LPAR4: variants seen among roughly 807,000 people sequenced by gnomAD.
LPAR4 encodes lysophosphatidic acid receptor 4.
Under a neutral mutation model 9.2 loss-of-function variants are expected in LPAR4, and 14 were observed. The observed-to-expected ratio is 1.51, with a 90% CI of 1.00 to 2.37. The LOEUF is 2.37. Ranked by LOEUF, LPAR4 falls within the 30% of genes most tolerant of loss-of-function variation. The pLI is 0.00. For synonymous variants in LPAR4, 131 were observed against 97.9 expected, an observed-to-expected ratio of 1.34 and a Z score of -1.99; for missense variants, 251 against 272.1, an observed-to-expected ratio of 0.92 and a Z score of 0.55.
intron 4 of LPAR4, among the ~76,000 whole-genome samples, chrX:78,753,165 T>G (rs1246854669): frequency 8.9e-6 from 1 of 112,044 alleles, no homozygotes; most frequent in Non-Finnish European, 1.9e-5. Flanking sequence ...TAATGCTCCT[T>G]GCAGTGGAAA....
At chrX:78,753,390 T>G (rs1208475694) in intron 4 of LPAR4, among the ~76,000 whole-genome samples, 1 of 111,602 alleles carries the variant, frequency 9.0e-6, no homozygotes, top group Non-Finnish European at 1.9e-5. Context: ...GCCAAATGTC[T>G]TTCTGGTTTT....
Position 78,758,698 on chromosome X carries a change from A to G in LPAR4, c.*2716A>G, listed in dbSNP as rs1485350629. Among the ~76,000 whole-genome samples, 1 of 111,988 alleles carries G rather than the reference A, an allele frequency of 8.9e-6. No homozygotes were observed. The highest frequency in any genetic ancestry group is 3.2e-5 in the African/African-American group (1 of 30,894). ...ATTTTAAATGTTTATTAAATGTAAT[A>G]AAATATATTTGAATTATTTAGCAGT... is the stretch of plus-strand genomic sequence containing the variant. On this transcript the variant is annotated 3_prime_UTR_variant, in exon 5 of 5. Coordinates refer to ENST00000614823, the MANE Select transcript of LPAR4 (RefSeq NM_001278000.3).
At chrX:78,751,096 T>C (rs1402092956) in intron 3 of LPAR4, 114 bp from the exon 4 acceptor site, 1 of 112,068 alleles carries the variant, frequency 8.9e-6, no homozygotes, top group Non-Finnish European at 1.9e-5. Context: ...TATCATATAA[T>C]ACTTTTTCTG....
In LPAR4 at chrX:78,755,293, T is replaced by A. The variant is rs1270523834; in HGVS notation, c.424T>A (p.Tyr142Asn). The change falls in exon 5 of 5, where the codon TAT becomes AAT. Residue 142 changes from tyrosine to asparagine, a missense_variant. Coordinates refer to ENST00000614823, the MANE Select transcript of LPAR4 (RefSeq NM_001278000.3). The stretch of plus-strand genomic sequence containing the variant: ...TGTGGATCGTTTCCTGGCCATTGTC[T>A]ATCCTTTTCGATCTCGTACTATTAG... ...ISVDRFLAIV[Y>N]PFRSRTIRTR... The A allele has an allele frequency of 8.3e-7, 1 of 1,206,859 alleles. No individual in the cohort carries two copies. The highest frequency in any genetic ancestry group is 2.2e-5 in the Admixed American group (1 of 45,502).
In LPAR4 at chrX:78,755,847, C is replaced by T; in HGVS notation, c.978C>T (p.Ala326=). The change falls in exon 5 of 5, where the codon GCC becomes GCT. Residue 326 remains alanine, a synonymous_variant. Transcript: ENST00000614823. The stretch of plus-strand genomic sequence containing the variant: ...TTCAGAAGTCCTTCTACATCAATGC[C>T]CACATCAGAATGGAGTCCCTGTTTA... ...ESFQKSFYIN[A]HIRMESLFKT... 2 of 1,210,537 alleles carry T rather than the reference C, an allele frequency of 1.7e-6. No homozygotes were observed. The highest frequency in any genetic ancestry group is 2.2e-6 in the Non-Finnish European group (2 of 894,629).
chrX:78,752,681 C>A (rs1438834549), intron 4 of LPAR4, among the ~76,000 whole-genome samples: 1 of 111,477 alleles, frequency 9.0e-6, no homozygotes, highest in South Asian at 3.8e-4. Flanking sequence ...TATACTCTGC[C>A]TTCAAGGCCT....
chrX:78,757,518 A>C lies in LPAR4; in HGVS notation c.*1536A>C, dbSNP rs1925356903. The stretch of plus-strand genomic sequence containing the variant: ...TTTTAAAATCTACAAAAAAAGAGAA[A>C]ATTTTTTTATAATTTACTTAAACCG... On this transcript the variant is annotated 3_prime_UTR_variant, in exon 5 of 5. Coordinates refer to ENST00000614823, the MANE Select transcript of LPAR4 (RefSeq NM_001278000.3). Among the ~76,000 whole-genome samples the C allele has an allele frequency of 8.9e-6, 1 of 111,785 alleles. No homozygotes were observed. Among genetic ancestry groups the C allele is most frequent in the South Asian group, 3.6e-4 (1 of 2,744 alleles).
intron 4 of LPAR4, among the ~76,000 whole-genome samples, chrX:78,753,937 G>T (rs183367617): frequency 9.0e-6 from 1 of 111,725 alleles, no homozygotes; most frequent in Admixed American, 9.5e-5. Context: ...CTTCAGGATT[G>T]AGAATGTAAT....
intron 1 of LPAR4, among the ~76,000 whole-genome samples, chrX:78,749,803 A>G (rs2147497086): frequency 8.9e-6 from 1 of 111,849 alleles, no homozygotes; most frequent in South Asian, 3.8e-4. Flanking sequence ...AATGTTTTAC[A>G]GTGGCCAATG....
chrX:78,749,529 G>C (rs915671776), intron 1 of LPAR4, among the ~76,000 whole-genome samples: 1 of 111,109 alleles, frequency 9.0e-6, no homozygotes, highest in Non-Finnish European at 1.9e-5. Context: ...AAGTGACCAG[G>C]AAACAGGTGG....
chrX:78,748,498 T>C lies in LPAR4; in HGVS notation c.-295+464T>C, dbSNP rs1332283430. Among the ~76,000 whole-genome samples, 6 of 112,154 alleles carry C rather than the reference T, an allele frequency of 5.3e-5. No individual in the cohort carries two copies. The Admixed American group carries it at 5.7e-4, about 11-fold the overall frequency. On this transcript the variant is annotated intron_variant, in intron 1 of 4. Transcript: ENST00000614823. ...ATTGAATAATTCATGAACTTGCCCA[T>C]AAAGGAAGAATCATGTTTGAATGAA...
intron 4 of LPAR4, among the ~76,000 whole-genome samples, chrX:78,752,943 A>T (rs1022670473): frequency 2.7e-5 from 3 of 111,576 alleles, no homozygotes; most frequent in Non-Finnish European, 5.7e-5. Context: ...GAAATTTTTT[A>T]AAAAAGAGGA....
chrX:78,751,567 G>T (rs955731140), intron 4 of LPAR4, among the ~76,000 whole-genome samples: 1 of 110,900 alleles, frequency 9.0e-6, no homozygotes. Context: ...CTTTAGATAT[G>T]GGAGACTCTT....
chrX:78,750,270 T>A (rs1266469990), intron 2 of LPAR4, 47 bp downstream of exon 2: 1 of 111,438 alleles, frequency 9.0e-6, no homozygotes, highest in Non-Finnish European at 1.9e-5. Flanking sequence ...ACTTATTTTG[T>A]TTTTTTAGAT....
chrX:78,748,676 C>A (rs908435331), intron 1 of LPAR4, among the ~76,000 whole-genome samples: 3 of 111,695 alleles, frequency 2.7e-5, no homozygotes, highest in African/African-American at 9.7e-5. Flanking sequence ...TACAGTATTT[C>A]AGTTACCTTT....
chrX:78,755,069 G>GAAA lies in LPAR4; in HGVS notation c.200_201insAAA (p.Arg67_Met68insAsn). On this transcript the variant is annotated inframe_insertion, in exon 5 of 5. Coordinates refer to ENST00000614823, the MANE Select transcript of LPAR4 (RefSeq NM_001278000.3). ...GTCTCTCTGTTTGTCTTCTGTTTCCGCATGAAAATGAGAAGTGAGACTGCT... is the reference window on the plus strand; with the variant it reads ...GTCTCTCTGTTTGTCTTCTGTTTCCGAAACATGAAAATGAGAAGTGAGACTGCT... The GAAA allele has an allele frequency of 8.3e-7, 1 of 1,208,321 alleles. No homozygotes were observed. Among genetic ancestry groups the GAAA allele is most frequent in the Non-Finnish European group, 1.1e-6 (1 of 892,860 alleles).
rs752904330 is a variant in LPAR4, at chrX:78,748,099, A to G, written c.-295+65A>G. 5 of 110,645 alleles carry G rather than the reference A, an allele frequency of 4.5e-5. No individual in the cohort carries two copies. In the South Asian group the frequency reaches 1.9e-3, roughly 42 times the overall value. 9.1% of individuals were successfully genotyped at this position (110,645 alleles called of 1,213,427 possible). A position where few individuals can be genotyped will look rare whatever the true frequency, so the allele number is the denominator to read the frequency against. On this transcript the variant is annotated intron_variant, in intron 1 of 4. Coordinates refer to ENST00000614823, the MANE Select transcript of LPAR4 (RefSeq NM_001278000.3). ...GGGGTGGGGGATAGCATAACAAACTACAGTGGAAACACTGATGCTTTGAGA... is the reference window on the plus strand; with the variant it reads ...GGGGTGGGGGATAGCATAACAAACTGCAGTGGAAACACTGATGCTTTGAGA...
At chrX:78,754,590 T>C (rs775761964) in intron 4 of LPAR4, among the ~76,000 whole-genome samples, 1 of 111,837 alleles carries the variant, frequency 8.9e-6, no homozygotes, top group Non-Finnish European at 1.9e-5. Context: ...ATTGCACTTA[T>C]TGTATTGAGT....
In LPAR4 at chrX:78,758,650, T is replaced by C. The variant is rs371751601; in HGVS notation, c.*2668T>C. ...TGTTACATCGAAAGGAAAAGCAATT[T>C]TGCAGCTGTAATTGCAACTTGGATT... On this transcript the variant is annotated 3_prime_UTR_variant, in exon 5 of 5. Coordinates refer to ENST00000614823, the MANE Select transcript of LPAR4 (RefSeq NM_001278000.3). 2.1e-4 allele frequency among the ~76,000 whole-genome samples: 24 copies of C among 111,702 alleles called. No individual in the cohort carries two copies. Among genetic ancestry groups the C allele is most frequent in the African/African-American group, 7.8e-4 (24 of 30,828 alleles).
Sources: gnomAD v4.1 joint callset for allele counts (sites outside exome capture counted in the v4.1 genomes callset) on GRCh38, gnomAD v4.1.1 for gene constraint, MANE v1.5 for transcripts, NCBI Gene and HGNC (gene_info 2026-07-23, HGNC 2026-07-21) for gene names.